The following FNDC8 variants were observed in gnomAD, a reference collection of about 807,000 sequenced individuals.
FNDC8 encodes fibronectin type III domain containing 8, also known as fibronectin type III domain-containing protein 8.
Under a neutral mutation model 24.8 loss-of-function variants are expected in FNDC8, and 23 were observed. The ratio of observed to expected loss-of-function variants is 0.93; its 90% CI spans 0.67 to 1.31. FNDC8 has a LOEUF of 1.31. Ranked by LOEUF, FNDC8 falls within the 40% of genes most tolerant of loss-of-function variation. The probability of loss-of-function intolerance (pLI) is 0.00; values close to 1 mark genes in which losing one functional copy is unlikely to be tolerated. For missense variants in FNDC8, 371 were observed against 398.2 expected (o/e 0.93, Z 0.58); for synonymous variants, 158 against 165.3 (o/e 0.96, Z 0.34).
intron 2 of FNDC8, among the ~76,000 whole-genome samples, chr17:35,128,292 TCCA>T (rs1458180087): frequency 3.3e-5 from 5 of 152,236 alleles, no homozygotes; most frequent in Non-Finnish European, 7.3e-5. Flanking sequence ...CTCATCTCCC[TCCA>T]CCACATTTGG....
At chr17:35,128,282 C>A (rs931607825) in intron 2 of FNDC8, among the ~76,000 whole-genome samples, 6 of 152,364 alleles carry the variant, frequency 3.9e-5, no homozygotes, top group African/African-American at 1.2e-4. Flanking sequence ...AATTTAAATT[C>A]TCATCTCCCT....
At chr17:35,125,265 C>T (rs1371131926) in intron 1 of FNDC8, among the ~76,000 whole-genome samples, 2 of 152,054 alleles carry the variant, frequency 1.3e-5, no homozygotes, top group East Asian at 3.9e-4. Context: ...TGGCAAAACC[C>T]TGCATCTACA....
In FNDC8 at chr17:35,126,497, C is replaced by CATTTTTTTTTTTTT. The variant is rs1555571324; in HGVS notation, c.210-545_210-544insATTTTTTTTTTTTT. ...AACACTTGCATCAGGATTTTCTAAG[C>CATTTTTTTTTTTTT]TTTTTTTTTTTTTTTTTTTTTTTGA... On this transcript the variant is annotated intron_variant, in intron 1 of 3. Coordinates refer to ENST00000158009, the MANE Select transcript of FNDC8 (RefSeq NM_017559.4). Among the ~76,000 whole-genome samples, 8 of 112,046 alleles carry CATTTTTTTTTTTTT rather than the reference C, an allele frequency of 7.1e-5. 1 individual carries two copies. Among genetic ancestry groups the CATTTTTTTTTTTTT allele is most frequent in the South Asian group, 2.9e-4 (1 of 3,486 alleles). The allele number at this position is 112,046 out of a possible 152,430, so 73.5% of individuals were successfully genotyped here.
At chr17:35,123,475 C>T (rs12950192) in intron 1 of FNDC8, among the ~76,000 whole-genome samples, 2,071 of 152,216 alleles carry the variant, frequency 0.014, 44 homozygotes, top group African/African-American at 0.047. Flanking sequence ...GGGTAGCCCA[C>T]GCCTGTAATC....
intron 1 of FNDC8, among the ~76,000 whole-genome samples, chr17:35,123,741 TA>T (rs5820101): frequency 0.18 from 25,694 of 144,434 alleles, 2,752 homozygotes; most frequent in Admixed American, 0.26. Flanking sequence ...CAAGGCTCCA[TA>T]AAAAAAACAA....
intron 2 of FNDC8, among the ~76,000 whole-genome samples, chr17:35,127,859 C>T (rs992635110): frequency 6.6e-6 from 1 of 152,026 alleles, no homozygotes; most frequent in African/African-American, 2.4e-5. Flanking sequence ...TGGATGAGGA[C>T]CTGGGATCGA....
intron 2 of FNDC8, among the ~76,000 whole-genome samples, chr17:35,127,750 G>GGC (rs956962934): frequency 3.3e-5 from 5 of 152,174 alleles, no homozygotes; most frequent in Non-Finnish European, 5.9e-5. Flanking sequence ...TCCCTGGAGG[G>GGC]GCGGACCCTA....
intron 1 of FNDC8, among the ~76,000 whole-genome samples, chr17:35,125,446 G>A (rs993740747): frequency 6.6e-6 from 1 of 152,150 alleles, no homozygotes; most frequent in African/African-American, 2.4e-5. Context: ...AAATATCCAT[G>A]TAATGGAAAA....
At position 35,127,325 on chromosome 17, in the gene FNDC8, ACCT is replaced by A. The variant is rs886072065; in HGVS notation, c.498_500del (p.Ser167del). ...TGACAACCCTGAGCTGGAGACAGAA[ACCT>A]CCTCAACGCACTCAGAATCTTCTGT... On this transcript the variant is annotated inframe_deletion, in exon 2 of 4. Transcript: ENST00000158009. 15 of 1,612,514 alleles carry A rather than the reference ACCT, an allele frequency of 9.3e-6. No homozygotes were observed. In the African/African-American group the frequency reaches 1.1e-4, roughly 11 times the overall value.
chr17:35,126,821 A>G (rs909370431), intron 1 of FNDC8, among the ~76,000 whole-genome samples: 1 of 152,200 alleles, frequency 6.6e-6, no homozygotes, highest in Non-Finnish European at 1.5e-5. Context: ...AAAGATGCGG[A>G]TTCTCTAGTC....
intron 2 of FNDC8, 42 bp downstream of exon 2, chr17:35,127,459 G>T (rs2091854148): frequency 6.6e-7 from 1 of 1,504,658 alleles, no homozygotes; most frequent in African/African-American, 1.4e-5. Flanking sequence ...GGCTTATTGT[G>T]CCAGGCACTG....
At chr17:35,129,299 C>G in intron 2 of FNDC8, 123 bp from the exon 3 acceptor site, 1 of 1,303,756 alleles carries the variant, frequency 7.7e-7, no homozygotes, top group Non-Finnish European at 1.1e-6. Context: ...TTCCATCTGA[C>G]CTGCCTGGGC....
Position 35,121,987 on chromosome 17 carries a change from C to T in FNDC8, c.209+85C>T, listed in dbSNP as rs1406858818. The T allele has an allele frequency of 2.7e-5, 17 of 637,672 alleles. No individual in the cohort carries two copies. The African/African-American group carries it at 4.2e-4, about 16-fold the overall frequency. 39.5% of individuals were successfully genotyped at this position (637,672 alleles called of 1,614,324 possible). The stretch of plus-strand genomic sequence containing the variant: ...CCTTCCTCCCTTCCTTCCTTCCTTC[C>T]TTTTTTTTTTTTTTTTTGACAGGAT... On this transcript the variant is annotated intron_variant, in intron 1 of 3. Transcript: ENST00000158009.
In FNDC8 at chr17:35,121,620, C is replaced by T; in HGVS notation, c.-74C>T. On this transcript the variant is annotated 5_prime_UTR_variant, in exon 1 of 4. Coordinates refer to ENST00000158009, the MANE Select transcript of FNDC8 (RefSeq NM_017559.4). ...GTCCAAACTAAAGGTGGGCCACTGC[C>T]CCCACAGTTTCTCTCTGCTTCTGGT... The T allele has an allele frequency of 7.1e-7, 1 of 1,410,026 alleles. No homozygotes were observed. Among genetic ancestry groups the T allele is most frequent in the Non-Finnish European group, 1.0e-6 (1 of 1,000,222 alleles). The allele number at this position is 1,410,026 out of a possible 1,614,324, so 87.3% of individuals were successfully genotyped here.
At chr17:35,122,132 G>A (rs1367334800) in intron 1 of FNDC8, among the ~76,000 whole-genome samples, 10 of 115,050 alleles carry the variant, frequency 8.7e-5, no homozygotes, top group Admixed American at 1.9e-4. Flanking sequence ...CTATTGACGC[G>A]CCACCACCAC....
Position 35,130,349 on chromosome 17 carries a change from G to A in FNDC8, c.890G>A (p.Arg297His), listed in dbSNP as rs202047426. The change falls in exon 4 of 4, where the codon CGC becomes CAC. Residue 297 changes from arginine (R) to histidine (H), a missense_variant. Arg to His is a conservative substitution (Grantham distance 29). Coordinates refer to ENST00000158009, the MANE Select transcript of FNDC8 (RefSeq NM_017559.4). ...TACCCCATCCAGATCACCGTGCGGC[G>A]CAAGGAACCCCGGCAAAAGATCGTG... ...ENYPIQITVR[R>H]KEPRQKIVSI... 32 of 1,614,108 alleles carry A rather than the reference G, an allele frequency of 2.0e-5. No individual in the cohort carries two copies. Among genetic ancestry groups the A allele is most frequent in the South Asian group, 1.3e-4 (12 of 91,078 alleles).
Position 35,129,555 on chromosome 17 carries a change from G to A in FNDC8, c.719G>A (p.Gly240Asp). ...NRPWIFNKIL[G>D]TTVKLMELKP... The stretch of plus-strand genomic sequence containing the variant: ...CCATGGATCTTCAACAAGATTTTGG[G>A]CACTACTGTCAAGCTGATGGAGCTA... Residue 240 changes from glycine (G) to aspartate (D), a missense_variant, in exon 3 of 4, where the codon GGC becomes GAC. Coordinates refer to ENST00000158009, the MANE Select transcript of FNDC8 (RefSeq NM_017559.4). The A allele has an allele frequency of 1.2e-6, 2 of 1,614,166 alleles. No homozygotes were observed. Among genetic ancestry groups the A allele is most frequent in the Non-Finnish European group, 1.7e-6 (2 of 1,180,032 alleles).
chr17:35,125,431 A>G (rs2091845454), intron 1 of FNDC8, among the ~76,000 whole-genome samples: 1 of 152,234 alleles, frequency 6.6e-6, no homozygotes, highest in Non-Finnish European at 1.5e-5. Flanking sequence ...AACAAAAACA[A>G]AAACAAATAT....
In FNDC8 at chr17:35,121,671, G is replaced by T; in HGVS notation, c.-23G>T. ...CAGCTGGGTTGTCCTGCATGGTGAC[G>T]GGTGTCATCCCGAACAAATCAGATG... On this transcript the variant is annotated 5_prime_UTR_variant, in exon 1 of 4. Coordinates refer to ENST00000158009, the MANE Select transcript of FNDC8 (RefSeq NM_017559.4). 6.2e-7 allele frequency: 1 copy of T among 1,611,366 alleles called. No individual in the cohort carries two copies. Among genetic ancestry groups the T allele is most frequent in the South Asian group, 1.1e-5 (1 of 91,022 alleles).
Sources: gnomAD v4.1 joint callset for allele counts (sites outside exome capture counted in the v4.1 genomes callset) on GRCh38, gnomAD v4.1.1 for gene constraint, MANE v1.5 for transcripts, NCBI Gene and HGNC (gene_info 2026-07-23, HGNC 2026-07-21) for gene names.